The following POLQ variants were observed in gnomAD, a reference collection of about 807,000 sequenced individuals.
POLQ encodes epididymis secretory sperm binding protein.
In POLQ, 233 loss-of-function variants were observed where a neutral mutation model predicts 259.2. That is an observed-to-expected ratio of 0.90 (90% CI 0.81 to 1.00). The LOEUF (loss-of-function observed/expected upper bound fraction) is 1.00, where lower values mean the gene tolerates loss of function less well. Among genes scored for constraint, POLQ ranks in the 50% least tolerant of loss-of-function variants. The pLI is 0.00. For synonymous variants in POLQ, 1,025 were observed against 1,048.8 expected (o/e 0.98, Z 0.44); for missense variants, 2,871 against 3,051.6 (o/e 0.94, Z 1.39).
intron 19 of POLQ, among the ~76,000 whole-genome samples, chr3:121,481,188 A>G (rs974387583): frequency 6.6e-6 from 1 of 152,242 alleles, no homozygotes. Flanking sequence ...ATCCTTTGAT[A>G]AAGTTCAAAT....
Position 121,476,591 on chromosome 3 carries a change from A to G in POLQ, c.6354T>C (p.Tyr2118=). The change falls in exon 20 of 30, where the codon TAT becomes TAC. Residue 2118 remains tyrosine (Y), a synonymous_variant. Transcript: ENST00000264233. ...AKLDAIETQA[Y]QLAGHSFSFT... ...AAGAAAAACTGTGGCCAGCTAGTTG[A>G]TAGGCCTGGGTCTCAATTGCATCCA... The G allele has an allele frequency of 6.2e-7, 1 of 1,614,004 alleles. No homozygotes were observed. The highest frequency in any genetic ancestry group is 8.5e-7 in the Non-Finnish European group (1 of 1,179,924).
Position 121,467,059 on chromosome 3 carries a change from C to T in POLQ, c.6967+460G>A, listed in dbSNP as rs531272872. 5.9e-5 allele frequency among the ~76,000 whole-genome samples: 9 copies of T among 152,158 alleles called. No individual in the cohort carries two copies. In the South Asian group the frequency reaches 1.9e-3, roughly 32 times the overall value. On this transcript the variant is annotated intron_variant, in intron 24 of 29. Transcript: ENST00000264233. ...GCAGAATGAGAATAGCCTTAGGGGC[C>T]ACCCCATGCAATAGGAAGCAGCAGT... is the stretch of plus-strand genomic sequence containing the variant.
rs1387810513 is a variant in POLQ, at chr3:121,473,335, TGCCC to T, written c.6543+11_6543+14del. ...TTTAGGTTCTGCCCTGCTCTGTGACTGCCCCAAAGAGCACCTTACTAGTGCTGAA... is the reference window on the plus strand; with the variant it reads ...TTTAGGTTCTGCCCTGCTCTGTGACTCAAAGAGCACCTTACTAGTGCTGAA... On this transcript the variant is annotated intron_variant, in intron 21 of 29. Transcript: ENST00000264233. 1 of 1,601,430 alleles carries T rather than the reference TGCCC, an allele frequency of 6.2e-7. No homozygotes were observed.
chr3:121,483,474 GA>G lies in POLQ; in HGVS notation c.5881del (p.Ser1961LeufsTer36). The G allele has an allele frequency of 6.2e-7, 1 of 1,607,294 alleles. No individual in the cohort carries two copies. Among genetic ancestry groups the G allele is most frequent in the African/African-American group, 1.3e-5 (1 of 74,360 alleles). ...CLRKESDKEC[S>X]VVIYDFIQSY... ...CTGGATGAAGTCATAGATGACAACA[GA>G]ACATTCTTTATCAGATTCCTTTCGC... On this transcript the variant is annotated frameshift_variant, in exon 18 of 30. Coordinates refer to ENST00000264233, the MANE Select transcript of POLQ (RefSeq NM_199420.4). LOFTEE classifies it high-confidence loss of function.
At chr3:121,432,819 T>G (rs905704223) in intron 29 of POLQ, 99 bp downstream of exon 29, 2 of 740,708 alleles carry the variant, frequency 2.7e-6, no homozygotes, top group African/African-American at 3.5e-5. Context: ...AGGGCTAGGG[T>G]AGAGTTCCAA....
chr3:121,493,865 G>C, intron 14 of POLQ, 144 bp from the exon 15 acceptor site: 3 of 690,098 alleles, frequency 4.3e-6, no homozygotes, highest in Non-Finnish European at 7.2e-6. Flanking sequence ...GTTAACAAGG[G>C]AGCAGATATA....
At chr3:121,530,025 A>C (rs761345445) in intron 6 of POLQ, among the ~76,000 whole-genome samples, 2 of 152,246 alleles carry the variant, frequency 1.3e-5, no homozygotes, top group Non-Finnish European at 2.9e-5. Flanking sequence ...ACTGAGCTCC[A>C]ACCCTCAGGC....
chr3:121,511,536 T>G (rs2048255335), intron 10 of POLQ, among the ~76,000 whole-genome samples: 1 of 152,008 alleles, frequency 6.6e-6, no homozygotes, highest in Non-Finnish European at 1.5e-5. Flanking sequence ...TCCCAGCACT[T>G]TGGGAGGCCA....
At chr3:121,494,114 C>T (rs762090784) in intron 14 of POLQ, 26 of 731,116 alleles carry the variant, frequency 3.6e-5, no homozygotes, top group Admixed American at 2.0e-4. Context: ...CCCAAGATGC[C>T]GAAAGGAAAG....
intron 21 of POLQ, 33 bp from the exon 22 acceptor site, chr3:121,472,197 T>G: frequency 9.6e-7 from 1 of 1,043,676 alleles, no homozygotes; most frequent in Non-Finnish European, 1.4e-6. Context: ...GATTGAATTC[T>G]TGTCCAAATT....
In POLQ at chr3:121,472,231, T is replaced by C. The variant is rs558364540; in HGVS notation, c.6544-67A>G. 7 of 733,450 alleles carry C rather than the reference T, an allele frequency of 9.5e-6. No homozygotes were observed. In the Admixed American group the frequency reaches 1.8e-4, roughly 19 times the overall value. 45.4% of individuals were successfully genotyped at this position (733,450 alleles called of 1,614,324 possible). The stretch of plus-strand genomic sequence containing the variant: ...TTCCACAGCAAGCTAGAATCTCTTT[T>C]CTGTAAATAATACAGTCTCAAAATT... On this transcript the variant is annotated intron_variant, in intron 21 of 29. Coordinates refer to ENST00000264233, the MANE Select transcript of POLQ (RefSeq NM_199420.4).
At chr3:121,464,026 A>T (rs936520696) in intron 24 of POLQ, among the ~76,000 whole-genome samples, 9 of 152,230 alleles carry the variant, frequency 5.9e-5, no homozygotes, top group African/African-American at 2.2e-4. Context: ...TACAAAGATT[A>T]ACTGTACTCC....
At chr3:121,520,697 A>G (rs1408094076) in intron 8 of POLQ, among the ~76,000 whole-genome samples, 1 of 152,226 alleles carries the variant, frequency 6.6e-6, no homozygotes, top group Admixed American at 6.5e-5. Flanking sequence ...GCAACAGAAC[A>G]AATGGGCATG....
intron 24 of POLQ, among the ~76,000 whole-genome samples, chr3:121,461,911 T>C (rs760539097): frequency 8.5e-5 from 13 of 152,200 alleles, no homozygotes; most frequent in Non-Finnish European, 1.6e-4. Context: ...TGTTGATTTC[T>C]GAACTATGTT....
intron 16 of POLQ, among the ~76,000 whole-genome samples, chr3:121,485,983 C>T (rs2048007801): frequency 6.6e-6 from 1 of 152,174 alleles, no homozygotes; most frequent in African/African-American, 2.4e-5. Context: ...CAACTGGTCC[C>T]CACAATCCAG....
chr3:121,481,765 A>G lies in POLQ; in HGVS notation c.6018T>C (p.His2006=), dbSNP rs1560095108. The stretch of plus-strand genomic sequence containing the variant: ...GAGGAAGAAAACTGGTAACTATGCT[A>G]TGAAGAGTCGGCTCCTGAGAATCTG... ...LDPDSQEPTL[H]SIVTSFLPHE... is the part of the protein sequence containing the mutation. Residue 2006 remains histidine (H), a synonymous_variant, in exon 19 of 30, where the codon CAT becomes CAC. Coordinates refer to ENST00000264233, the MANE Select transcript of POLQ (RefSeq NM_199420.4). 3 of 1,613,678 alleles carry G rather than the reference A, an allele frequency of 1.9e-6. No homozygotes were observed. Among genetic ancestry groups the G allele is most frequent in the Non-Finnish European group, 2.5e-6 (3 of 1,179,620 alleles).
intron 25 of POLQ, among the ~76,000 whole-genome samples, chr3:121,459,594 G>A (rs1286484710): frequency 6.6e-6 from 1 of 152,002 alleles, no homozygotes; most frequent in Non-Finnish European, 1.5e-5. Flanking sequence ...TGTTAGCCAG[G>A]ATAGTCTTGA....
At chr3:121,500,704 T>C (rs948529122) in intron 12 of POLQ, among the ~76,000 whole-genome samples, 2 of 152,082 alleles carry the variant, frequency 1.3e-5, no homozygotes, top group Non-Finnish European at 2.9e-5. Context: ...AACATTAACC[T>C]ACATATCCAA....
At chr3:121,501,831 C>CA (rs1168950595) in intron 12 of POLQ, among the ~76,000 whole-genome samples, 15 of 149,392 alleles carry the variant, frequency 1.0e-4, no homozygotes, top group South Asian at 2.1e-4. Flanking sequence ...ACTAAAAATA[C>CA]AAAAAAAAAT....
Sources: gnomAD v4.1 joint callset for allele counts (sites outside exome capture counted in the v4.1 genomes callset) on GRCh38, gnomAD v4.1.1 for gene constraint, MANE v1.5 for transcripts, NCBI Gene and HGNC (gene_info 2026-07-23, HGNC 2026-07-21) for gene names.